The following SMARCA2 variants were observed in gnomAD, a reference collection of about 807,000 sequenced individuals.
SMARCA2 encodes SWI/SNF-related matrix-associated actin-dependent regulator of chromatin subfamily A member 2.
SMARCA2 carries 61 observed loss-of-function variants against 199.8 expected under a neutral mutation model. The observed-to-expected ratio is 0.31, with a 90% CI of 0.25 to 0.38. SMARCA2 has a LOEUF of 0.38. Ranked by LOEUF, SMARCA2 falls within the 10% of genes least tolerant of loss-of-function variation. The pLI, the probability that SMARCA2 is intolerant of heterozygous loss-of-function variation, is 1.00. For synonymous variants in SMARCA2, 935 were observed against 732.0 expected, an observed-to-expected ratio of 1.28 and a Z score of -4.48; for missense variants, 1,344 against 2,012.2, an observed-to-expected ratio of 0.67 and a Z score of 6.35.
intron 25 of SMARCA2, 63 bp downstream of exon 25, chr9:2,116,112 G>A (rs1823206822): frequency 8.0e-7 from 1 of 1,242,908 alleles, no homozygotes; most frequent in South Asian, 1.3e-5. Context: ...GAAGGACTCA[G>A]AATAATCCCT....
rs549808449 is a variant in SMARCA2 at position 2,192,466 on chromosome 9, G to A, written c.4738-238G>A. 331 of 528,046 alleles carry A rather than the reference G, an allele frequency of 6.3e-4. 2 individuals carry two copies. Among genetic ancestry groups the A allele is most frequent in the Non-Finnish European group, 9.2e-4 (275 of 299,238 alleles). 32.7% of individuals were successfully genotyped at this position (528,046 alleles called of 1,614,324 possible). On this transcript the variant is annotated intron_variant, in intron 33 of 33. Coordinates refer to ENST00000349721, the MANE Select transcript of SMARCA2 (RefSeq NM_003070.5). ...AAACCTTTCAAGCCAAAGTGAAAGG[G>A]CACAAACAATAGCTTAGAGGGTGGG...
chr9:2,108,265 G>A (rs562207148), intron 23 of SMARCA2, among the ~76,000 whole-genome samples: 1 of 152,300 alleles, frequency 6.6e-6, no homozygotes, highest in South Asian at 2.1e-4. Flanking sequence ...CCATTACCAT[G>A]GTGACGTATG....
chr9:2,186,260 T>A, intron 32 of SMARCA2, 32 bp downstream of exon 32: 1 of 1,597,332 alleles, frequency 6.3e-7, no homozygotes, highest in Non-Finnish European at 8.5e-7. Flanking sequence ...CTGTACATCT[T>A]TGCCCCTCCT....
intron 21 of SMARCA2, among the ~76,000 whole-genome samples, chr9:2,098,984 T>C (rs932652036): frequency 1.3e-5 from 2 of 151,892 alleles, no homozygotes; most frequent in Non-Finnish European, 2.9e-5. Flanking sequence ...TTACATGTAT[T>C]GTTGAAGGGG....
intron 3 of SMARCA2, among the ~76,000 whole-genome samples, chr9:2,034,242 C>CAAAAAAAA (rs759792374): frequency 1.6e-5 from 1 of 64,132 alleles, no homozygotes; most frequent in Non-Finnish European, 3.3e-5. Flanking sequence ...GACTGCGTCT[C>CAAAAAAAA]AAAAAAAAAA....
chr9:2,040,258 C>T (rs1219169530), intron 4 of SMARCA2: 1 of 459,686 alleles, frequency 2.2e-6, no homozygotes, highest in Non-Finnish European at 3.8e-6. Context: ...GAACTCACTG[C>T]TCAGATCAGC....
At chr9:2,122,198 T>A (rs776983022) in intron 26 of SMARCA2, among the ~76,000 whole-genome samples, 2 of 152,246 alleles carry the variant, frequency 1.3e-5, no homozygotes, top group Non-Finnish European at 2.9e-5. Context: ...TTAGCAAGAA[T>A]AATGTCCATA....
intron 23 of SMARCA2, among the ~76,000 whole-genome samples, chr9:2,108,108 A>G (rs1472026504): frequency 6.6e-6 from 1 of 152,228 alleles, no homozygotes; most frequent in African/African-American, 2.4e-5. Flanking sequence ...CAGAGTCAGC[A>G]TGATCTGATG....
intron 9 of SMARCA2, 26 bp downstream of exon 9, chr9:2,061,012 A>C: frequency 6.2e-7 from 1 of 1,608,250 alleles, no homozygotes; most frequent in Non-Finnish European, 8.5e-7. Flanking sequence ...GTGGTGGCTG[A>C]GTCCAGGGTG....
intron 32 of SMARCA2, among the ~76,000 whole-genome samples, chr9:2,189,748 G>GTATT (rs1827749706): frequency 1.3e-5 from 2 of 151,958 alleles, no homozygotes; most frequent in African/African-American, 4.8e-5. Context: ...ACTATTTTGT[G>GTATT]TATTAGGATT....
intron 33 of SMARCA2, 37 bp from the exon 34 acceptor site, chr9:2,192,667 A>G: frequency 7.0e-7 from 1 of 1,431,662 alleles, no homozygotes; most frequent in Non-Finnish European, 9.9e-7. Flanking sequence ...CTTGCATGTG[A>G]TGTTACTTCA....
intron 28 of SMARCA2, among the ~76,000 whole-genome samples, chr9:2,164,121 T>G: frequency 6.6e-6 from 1 of 152,202 alleles, no homozygotes; most frequent in Non-Finnish European, 1.5e-5. Context: ...CTCTTCAGTA[T>G]GGAGTGCGTC....
rs1826125159 is a variant in SMARCA2, at chr9:2,169,528, T to G, written c.4200-891T>G. Among the ~76,000 whole-genome samples the G allele has an allele frequency of 6.6e-6, 1 of 152,118 alleles. No homozygotes were observed. The highest frequency in any genetic ancestry group is 1.5e-5 in the Non-Finnish European group (1 of 68,022). ...CGCTTCCACCCCTCTGTTGATTTGT[T>G]TATGGGTTTATGCTTTTCCCTCTCT... On this transcript the variant is annotated intron_variant, in intron 28 of 33. Coordinates refer to ENST00000349721, the MANE Select transcript of SMARCA2 (RefSeq NM_003070.5). The surrounding 1 kb of genome is among the most constrained non-coding windows in gnomAD (Gnocchi z 6.5).
At chr9:2,037,776 T>C (rs1429777410) in intron 3 of SMARCA2, among the ~76,000 whole-genome samples, 1 of 152,234 alleles carries the variant, frequency 6.6e-6, no homozygotes, top group Non-Finnish European at 1.5e-5. Flanking sequence ...CATCTATGTA[T>C]GTAATGCCAT....
chr9:2,021,240 G>A (rs553055589), intron 1 of SMARCA2, among the ~76,000 whole-genome samples: 1 of 152,138 alleles, frequency 6.6e-6, no homozygotes, highest in South Asian at 2.1e-4. Flanking sequence ...GGGACCCACA[G>A]AAGTTGAAAT....
At position 2,102,167 on chromosome 9, in the gene SMARCA2, T is replaced by G. The variant is rs903551500; in HGVS notation, c.3125+551T>G. On this transcript the variant is annotated intron_variant, in intron 22 of 33. Transcript: ENST00000349721. ...TGTGTGTGTGTGTGTGTGTGTGTGG[T>G]GTGTTGCAAATTTGAAAAATTTATT... Among the ~76,000 whole-genome samples, 45 of 150,106 alleles carry G rather than the reference T, an allele frequency of 3.0e-4. No individual in the cohort carries two copies. In the East Asian group the frequency reaches 7.6e-3, roughly 25 times the overall value.
At chr9:2,071,939 A>C (rs947407601) in intron 10 of SMARCA2, 1 of 152,216 alleles carries the variant, frequency 6.6e-6, no homozygotes, top group African/African-American at 2.4e-5. Flanking sequence ...TAGCACACAC[A>C]AAAGAAAAAA....
At chr9:2,076,038 T>G (rs1035264466) in intron 12 of SMARCA2, among the ~76,000 whole-genome samples, 191 bp from the exon 13 acceptor site, 1 of 152,236 alleles carries the variant, frequency 6.6e-6, no homozygotes, top group African/African-American at 2.4e-5. Flanking sequence ...ATCTCATTCA[T>G]GATTTCAACA....
At chr9:2,069,895 C>G (rs919922524) in intron 9 of SMARCA2, among the ~76,000 whole-genome samples, 11 of 152,158 alleles carry the variant, frequency 7.2e-5, no homozygotes, top group Non-Finnish European at 1.2e-4. Context: ...AGGTGGAGAT[C>G]ATCGTACCCA....
Sources: gnomAD v4.1 joint callset for allele counts (sites outside exome capture counted in the v4.1 genomes callset) on GRCh38, gnomAD v4.1.1 for gene constraint, Gnocchi (gnomAD v3.1) non-coding constraint, MANE v1.5 for transcripts, NCBI Gene and HGNC (gene_info 2026-07-23, HGNC 2026-07-21) for gene names.